Variants in PCDHA4 observed in about 807,000 individuals in gnomAD.
PCDHA4 encodes protocadherin alpha 4.
Under a neutral mutation model 61.4 loss-of-function variants are expected in PCDHA4, and 49 were observed. That is an observed-to-expected ratio of 0.80 (90% confidence interval 0.63 to 1.01). The LOEUF (loss-of-function observed/expected upper bound fraction) is 1.01, where lower values mean the gene tolerates loss of function less well. PCDHA4 is among the 50% of genes least tolerant of loss of function. The pLI, the probability that PCDHA4 is intolerant of heterozygous loss-of-function variation, is 0.00. For synonymous variants in PCDHA4, 590 were observed against 550.3 expected (o/e 1.07, Z -1.01); for missense variants, 1,254 against 1,235.8 (o/e 1.01, Z -0.22).
At chr5:140,832,176 A>G (rs1421267980) in intron 1 of PCDHA4, among the ~76,000 whole-genome samples, 1 of 152,234 alleles carries the variant, frequency 6.6e-6, no homozygotes, top group African/African-American at 2.4e-5. Flanking sequence ...AGTTTTATGA[A>G]TTCAAAAGAC....
intron 1 of PCDHA4, chr5:140,823,428 G>A (rs1428807001): frequency 1.2e-6 from 2 of 1,613,204 alleles, no homozygotes; most frequent in East Asian, 2.2e-5. Flanking sequence ...TGACGCTGCA[G>A]GTGTTCGTGC....
intron 1 of PCDHA4, chr5:140,927,596 G>A (rs374002981): frequency 2.5e-6 from 4 of 1,614,044 alleles, no homozygotes; most frequent in African/African-American, 2.7e-5. Context: ...GTATTTGAGC[G>A]CTCCGTATAC....
chr5:140,992,017 C>CTG (rs10602499), intron 3 of PCDHA4, among the ~76,000 whole-genome samples: 19,643 of 145,468 alleles, frequency 0.14, 1,328 homozygotes, highest in East Asian at 0.18. Flanking sequence ...AGAGGTGGCT[C>CTG]TGTGTGTGTG....
intron 1 of PCDHA4, chr5:140,843,801 C>T: frequency 7.6e-7 from 1 of 1,311,536 alleles, no homozygotes; most frequent in Non-Finnish European, 1.1e-6. Context: ...AGTTTTTCAC[C>T]GTATTTTATA....
At chr5:140,830,292 C>G in intron 1 of PCDHA4, 2 of 1,613,830 alleles carry the variant, frequency 1.2e-6, no homozygotes, top group Non-Finnish European at 1.7e-6. Context: ...GCGTGCACGG[C>G]GGACAAGCCC....
chr5:140,894,790 T>G lies in PCDHA4; in HGVS notation c.2386-84159T>G, dbSNP rs943284227. On this transcript the variant is annotated intron_variant, in intron 1 of 3. Coordinates refer to ENST00000530339, the MANE Select transcript of PCDHA4 (RefSeq NM_018907.4). ...TCCTTTAGTGTAATTATTTGTCCTC[T>G]CCTTTAAAAATAATTTTATATCAGA... Among the ~76,000 whole-genome samples, 13 of 152,282 alleles carry G rather than the reference T, an allele frequency of 8.5e-5. No individual in the cohort carries two copies. The South Asian group carries it at 2.5e-3, about 29-fold the overall frequency.
intron 3 of PCDHA4, among the ~76,000 whole-genome samples, chr5:141,005,544 A>G (rs1197838847): frequency 6.6e-6 from 1 of 151,492 alleles, no homozygotes; most frequent in Non-Finnish European, 1.5e-5. Flanking sequence ...TCTACTAAAA[A>G]TACAAAAATT....
chr5:141,010,446 C>G lies in PCDHA4; in HGVS notation c.*509C>G, dbSNP rs951181939. 39 of 944,590 alleles carry G rather than the reference C, an allele frequency of 4.1e-5. No homozygotes were observed. Among genetic ancestry groups the G allele is most frequent in the Non-Finnish European group, 5.6e-5 (37 of 656,282 alleles). The allele number at this position is 944,590 out of a possible 1,614,324, so 58.5% of individuals were successfully genotyped here. On this transcript the variant is annotated 3_prime_UTR_variant, in exon 4 of 4. Coordinates refer to ENST00000530339, the MANE Select transcript of PCDHA4 (RefSeq NM_018907.4). ...AGGCAAGAAAACAAAGACAAATAAA[C>G]AGCGGAAGTTATCAGTATGGAGGGG...
intron 1 of PCDHA4, chr5:140,834,759 A>T: frequency 6.2e-7 from 1 of 1,614,152 alleles, no homozygotes; most frequent in Non-Finnish European, 8.5e-7. Context: ...GGTGAAGGAC[A>T]TTAACGACAA....
chr5:140,836,323 T>G (rs1408397134), intron 1 of PCDHA4: 1 of 1,613,592 alleles, frequency 6.2e-7, no homozygotes, highest in East Asian at 2.2e-5. Flanking sequence ...CGCCACCGCC[T>G]TCTGGTGCTT....
chr5:140,904,134 C>T (rs1583515585), intron 1 of PCDHA4, among the ~76,000 whole-genome samples: 2 of 152,002 alleles, frequency 1.3e-5, no homozygotes, highest in Admixed American at 6.6e-5. Flanking sequence ...ACCCATCACC[C>T]GAGCAGTATA....
intron 1 of PCDHA4, among the ~76,000 whole-genome samples, chr5:140,900,786 A>C (rs888308882): frequency 2.0e-5 from 3 of 152,152 alleles, no homozygotes; most frequent in African/African-American, 7.2e-5. Flanking sequence ...GAAACTCCAA[A>C]CTGTTCTCCA....
chr5:140,817,291 C>A (rs1416812795), intron 1 of PCDHA4: 1 of 152,222 alleles, frequency 6.6e-6, no homozygotes, highest in East Asian at 1.9e-4. Context: ...CTGGATGGGA[C>A]TATAGGGAAA....
chr5:140,873,098 T>C (rs1281569389), intron 1 of PCDHA4, among the ~76,000 whole-genome samples: 1 of 152,200 alleles, frequency 6.6e-6, no homozygotes, highest in Non-Finnish European at 1.5e-5. Flanking sequence ...TATAGAGGCA[T>C]AACATACCAT....
At chr5:140,870,568 G>T (rs1554164428) in intron 1 of PCDHA4, 2 of 1,613,870 alleles carry the variant, frequency 1.2e-6, no homozygotes, top group African/African-American at 1.3e-5. Context: ...GAACGCGCTG[G>T]TGTCCTACTC....
At chr5:140,868,806 G>C (rs374832846) in intron 1 of PCDHA4, 8 of 356,954 alleles carry the variant, frequency 2.2e-5, no homozygotes, top group Non-Finnish European at 4.0e-5. Flanking sequence ...AAATAAGCAC[G>C]TTGGAAATAT....
At chr5:140,829,255 G>T (rs2150164788) in intron 1 of PCDHA4, 6 of 1,614,078 alleles carry the variant, frequency 3.7e-6, no homozygotes, top group Non-Finnish European at 4.2e-6. Flanking sequence ...TGAACTGCTC[G>T]CTGACGCCTC....
At chr5:140,850,689 T>A in intron 1 of PCDHA4, 2 of 1,594,932 alleles carry the variant, frequency 1.3e-6, no homozygotes, top group Non-Finnish European at 1.7e-6. Context: ...CGAGGGCGAG[T>A]GCGCGCCTGG....
chr5:140,924,165 C>G (rs782754845), intron 1 of PCDHA4, among the ~76,000 whole-genome samples: 5 of 152,230 alleles, frequency 3.3e-5, no homozygotes, highest in Admixed American at 1.3e-4. Context: ...ATCCTAATCT[C>G]TGGCACTGAA....
Sources: gnomAD v4.1 joint callset for allele counts (sites outside exome capture counted in the v4.1 genomes callset) on GRCh38, gnomAD v4.1.1 for gene constraint, MANE v1.5 for transcripts, NCBI Gene and HGNC (gene_info 2026-07-23, HGNC 2026-07-21) for gene names.